MERTK: variants seen among roughly 807,000 people sequenced by gnomAD.
The protein encoded by MERTK is MER proto-oncogene, tyrosine kinase, also known as tyrosine-protein kinase Mer.
A neutral mutation model predicts 99.3 loss-of-function variants in MERTK; 69 were observed. That is an observed-to-expected ratio of 0.70 (90% confidence interval 0.57 to 0.85). The LOEUF (loss-of-function observed/expected upper bound fraction) is 0.85. Ranked by LOEUF, MERTK falls within the 40% of genes least tolerant of loss-of-function variation. The pLI, the probability that MERTK is intolerant of heterozygous loss-of-function variation, is 0.00. For synonymous variants in MERTK, 426 were observed against 467.6 expected (o/e 0.91, Z 1.15); for missense variants, 1,125 against 1,249.4 (o/e 0.90, Z 1.50).
chr2:111,970,828 CCCTCCTCCTTCTCCTCCTTCT>C (rs921349955), intron 6 of MERTK, among the ~76,000 whole-genome samples: 3 of 119,912 alleles, frequency 2.5e-5, no homozygotes, highest in African/African-American at 6.7e-5. Flanking sequence ...CCCTCCTCCT[CCCTCCTCCTTCTCCTCCTTCT>C]CCTCCTCCTT....
chr2:112,000,880 A>G (rs1360440548), intron 10 of MERTK, among the ~76,000 whole-genome samples: 1 of 152,168 alleles, frequency 6.6e-6, no homozygotes. Flanking sequence ...TCATATTTTC[A>G]TAAGTATAGA....
intron 1 of MERTK, among the ~76,000 whole-genome samples, chr2:111,905,719 T>C (rs893451193): frequency 5.9e-5 from 9 of 152,154 alleles, no homozygotes; most frequent in Admixed American, 3.9e-4. Context: ...TTGGCCCACC[T>C]CAGCCTCCCA....
chr2:111,920,785 G>A (rs1166872177), intron 1 of MERTK, among the ~76,000 whole-genome samples: 5 of 152,100 alleles, frequency 3.3e-5, no homozygotes, highest in African/African-American at 9.7e-5. Flanking sequence ...CTCCCGAGTA[G>A]CTGGGATTAC....
Position 111,943,502 on chromosome 2 carries a change from G to A in MERTK, c.483-1458G>A, listed in dbSNP as rs535262657. Among the ~76,000 whole-genome samples the A allele has an allele frequency of 2.3e-3, 353 of 152,196 alleles. 1 individual carries two copies. Among genetic ancestry groups the A allele is most frequent in the Non-Finnish European group, 4.2e-3 (288 of 68,006 alleles). On this transcript the variant is annotated intron_variant, in intron 2 of 18. Transcript: ENST00000295408. Reference sequence around the variant, plus strand: ...TGCAGTGAGCCATGATGGTGCAACTGCACTCCAGCTTGGGTGACAGAGCGA... The same window carrying A: ...TGCAGTGAGCCATGATGGTGCAACTACACTCCAGCTTGGGTGACAGAGCGA...
chr2:111,903,136 G>C (rs912942684), intron 1 of MERTK, among the ~76,000 whole-genome samples: 1 of 137,928 alleles, frequency 7.3e-6, no homozygotes, highest in Non-Finnish European at 1.6e-5. Context: ...GTAAGCTCCT[G>C]GTGGCAGGGC....
intron 4 of MERTK, among the ~76,000 whole-genome samples, chr2:111,954,163 T>A (rs200088920): frequency 1.1e-4 from 17 of 152,210 alleles, no homozygotes; most frequent in African/African-American, 3.4e-4. Context: ...CTGAGACCCA[T>A]TGGGGCTTCA....
chr2:112,021,159 C>T (rs1466192050), intron 16 of MERTK, among the ~76,000 whole-genome samples: 1 of 151,958 alleles, frequency 6.6e-6, no homozygotes, highest in Non-Finnish European at 1.5e-5. Flanking sequence ...GAGATCATGC[C>T]ACTGCACACC....
chr2:111,937,323 A>G (rs1468804270), intron 2 of MERTK, among the ~76,000 whole-genome samples: 1 of 151,850 alleles, frequency 6.6e-6, no homozygotes, highest in African/African-American at 2.4e-5. Context: ...ATGGTGGTGC[A>G]CACTTGTGGT....
intron 6 of MERTK, among the ~76,000 whole-genome samples, chr2:111,968,965 C>T (rs1676019131): frequency 6.6e-6 from 1 of 152,184 alleles, no homozygotes. Context: ...CAAGATAGGT[C>T]GTCTGTGCTA....
rs565566184 is a variant in MERTK, at chr2:112,003,337, A to T, written c.1786+150A>T. On this transcript the variant is annotated intron_variant, in intron 12 of 18. Coordinates refer to ENST00000295408, the MANE Select transcript of MERTK (RefSeq NM_006343.3). Reference sequence around the variant, plus strand: ...TATATTTTATTATTTAAAATGATAGACTATTGATTTTTGAAACTCAGATCT... The same window carrying T: ...TATATTTTATTATTTAAAATGATAGTCTATTGATTTTTGAAACTCAGATCT... 5.5e-6 allele frequency: 3 copies of T among 540,832 alleles called. No homozygotes were observed. The South Asian group carries it at 6.7e-5, about 12-fold the overall frequency. The allele number at this position is 540,832 out of a possible 1,614,324, so 33.5% of individuals were successfully genotyped here.
chr2:111,999,077 G>A (rs1222797370), intron 10 of MERTK, among the ~76,000 whole-genome samples: 3 of 152,112 alleles, frequency 2.0e-5, no homozygotes, highest in Non-Finnish European at 4.4e-5. Context: ...CCCATAGATG[G>A]TGTTGGTTGC....
intron 2 of MERTK, among the ~76,000 whole-genome samples, chr2:111,938,623 G>A (rs1489252859): frequency 6.6e-6 from 1 of 152,128 alleles, no homozygotes; most frequent in Non-Finnish European, 1.5e-5. Flanking sequence ...CCATGCAGCT[G>A]TACCCAGGTG....
intron 4 of MERTK, among the ~76,000 whole-genome samples, chr2:111,962,313 G>A (rs1685265566): frequency 6.6e-6 from 1 of 152,112 alleles, no homozygotes; most frequent in Admixed American, 6.5e-5. Flanking sequence ...TTCAGGACCA[G>A]CCTGGACAAC....
intron 8 of MERTK, among the ~76,000 whole-genome samples, chr2:111,992,302 G>A (rs1245486555): frequency 6.6e-6 from 1 of 152,062 alleles, no homozygotes. Flanking sequence ...CTCCATGAAA[G>A]GCCCATGAGG....
intron 2 of MERTK, among the ~76,000 whole-genome samples, chr2:111,935,443 C>T (rs1031012235): frequency 6.6e-6 from 1 of 152,128 alleles, no homozygotes; most frequent in Admixed American, 6.6e-5. Flanking sequence ...GGGGGAGGTA[C>T]ACTTCTGCCT....
intron 8 of MERTK, among the ~76,000 whole-genome samples, chr2:111,988,141 G>A (rs139060330): frequency 2.6e-5 from 4 of 152,090 alleles, no homozygotes; most frequent in East Asian, 1.9e-4. Flanking sequence ...CCAAGACCTC[G>A]GCCTCCTAAC....
chr2:111,986,733 T>C (rs1676485361), intron 8 of MERTK, among the ~76,000 whole-genome samples: 1 of 152,210 alleles, frequency 6.6e-6, no homozygotes, highest in Non-Finnish European at 1.5e-5. Flanking sequence ...GCTGTGACCT[T>C]TCCAGTCACT....
intron 4 of MERTK, among the ~76,000 whole-genome samples, chr2:111,954,778 C>T (rs895296847): frequency 1.3e-5 from 2 of 152,138 alleles, no homozygotes; most frequent in African/African-American, 2.4e-5. Context: ...GGAGGAAGGG[C>T]GTGGGGCCCA....
intron 7 of MERTK, among the ~76,000 whole-genome samples, chr2:111,980,450 G>A (rs1676347723): frequency 7.8e-6 from 1 of 127,852 alleles, no homozygotes; most frequent in Admixed American, 1.0e-4. Context: ...ACGGAGTCTC[G>A]CTCTTTCGCC....
Sources: gnomAD v4.1 joint callset for allele counts (sites outside exome capture counted in the v4.1 genomes callset) on GRCh38, gnomAD v4.1.1 for gene constraint, MANE v1.5 for transcripts, NCBI Gene and HGNC (gene_info 2026-07-23, HGNC 2026-07-21) for gene names.